The following PTP4A1 variants were observed in gnomAD, a reference collection of about 807,000 sequenced individuals.
The protein encoded by PTP4A1 is protein tyrosine phosphatase 4A1, also known as protein tyrosine phosphatase type IVA 1.
PTP4A1 carries 9 observed loss-of-function variants against 20.5 expected under a neutral mutation model. The ratio of observed to expected loss-of-function variants is 0.44; its 90% CI spans 0.26 to 0.77. PTP4A1 has a LOEUF of 0.77. Ranked by LOEUF, PTP4A1 falls within the 30% of genes least tolerant of loss-of-function variation. The probability of loss-of-function intolerance (pLI) is 0.19; values close to 1 mark genes in which losing one functional copy is unlikely to be tolerated. For synonymous variants in PTP4A1, 78 were observed against 67.4 expected (o/e 1.16, Z -0.77); for missense variants, 137 against 218.8 (o/e 0.63, Z 2.36).
In PTP4A1 at chr6:63,576,996, A is replaced by G; in HGVS notation, c.105+11A>G. The G allele has an allele frequency of 1.3e-6, 2 of 1,594,736 alleles. No individual in the cohort carries two copies. Among genetic ancestry groups the G allele is most frequent in the Non-Finnish European group, 1.7e-6 (2 of 1,163,004 alleles). On this transcript the variant is annotated intron_variant, in intron 2 of 5. Coordinates refer to ENST00000626021, the MANE Select transcript of PTP4A1 (RefSeq NM_003463.5). ...AACAAATTTATAGAGGTAAGATTTG[A>G]TATGTTTTAGTAGCTTAAATTGATT... is the stretch of plus-strand genomic sequence containing the variant.
upstream of PTP4A1, among the ~76,000 whole-genome samples, chr6:63,518,596 T>C (rs1774814847): frequency 6.6e-6 from 1 of 152,164 alleles, no homozygotes; most frequent in South Asian, 2.1e-4. Context: ...TAATGCTCAG[T>C]GATGTTAAAT....
At chr6:63,549,818 G>A (rs1010394438) in intron 2 of PTP4A1, among the ~76,000 whole-genome samples, 14 of 152,204 alleles carry the variant, frequency 9.2e-5, no homozygotes, top group African/African-American at 1.7e-4. Context: ...AAGGGTAGAG[G>A]GAAGAGGAAA....
In PTP4A1 at chr6:63,576,919, A is replaced by G. The variant is rs1259836952; in HGVS notation, c.39A>G (p.Thr13=). 1.9e-6 allele frequency: 3 copies of G among 1,613,914 alleles called. No homozygotes were observed. The highest frequency in any genetic ancestry group is 1.1e-5 in the South Asian group (1 of 91,084). Reference sequence around the variant, plus strand: ...ACCGCCCAGCTCCTGTGGAAGTCACATACAAGAACATGAGATTTCTTATTA... The same window carrying G: ...ACCGCCCAGCTCCTGTGGAAGTCACGTACAAGAACATGAGATTTCTTATTA... The part of the protein sequence containing the change: ...RMNRPAPVEV[T]YKNMRFLITH... The change falls in exon 2 of 6, where the codon ACA becomes ACG. Residue 13 remains threonine (T), a synonymous_variant. Transcript: ENST00000626021.
intron 1 of PTP4A1, among the ~76,000 whole-genome samples, chr6:63,575,046 G>A (rs1458890914): frequency 6.6e-6 from 1 of 152,144 alleles, no homozygotes; most frequent in Non-Finnish European, 1.5e-5. Flanking sequence ...AAAGTAGACT[G>A]GGTTTTTGAC....
At chr6:63,578,778 G>C in intron 3 of PTP4A1, 120 bp from the exon 4 acceptor site, 1 of 1,167,590 alleles carries the variant, frequency 8.6e-7, no homozygotes, top group Non-Finnish European at 1.1e-6. Context: ...GGTTTAATAA[G>C]ATTTGATTAA....
intron 1 of PTP4A1, among the ~76,000 whole-genome samples, chr6:63,576,158 T>C (rs950470353): frequency 2.6e-5 from 4 of 150,954 alleles, no homozygotes; most frequent in Middle Eastern, 6.9e-3. Context: ...TATATATGAA[T>C]TTCACAAAAA....
At chr6:63,561,889 G>A (rs1776969432) in intron 3 of PTP4A1, among the ~76,000 whole-genome samples, 1 of 152,158 alleles carries the variant, frequency 6.6e-6, no homozygotes, top group Non-Finnish European at 1.5e-5. Context: ...GGATAACCTG[G>A]TGCTTCTATC....
Position 63,578,426 on chromosome 6 carries a change from G to T in PTP4A1, c.106-11G>T, listed in dbSNP as rs758885805. The T allele has an allele frequency of 3.1e-6, 5 of 1,597,222 alleles. No homozygotes were observed. In the South Asian group the frequency reaches 5.6e-5, roughly 18 times the overall value. On this transcript the variant is annotated splice_polypyrimidine_tract_variant and intron_variant, in intron 2 of 5. Transcript: ENST00000626021. Reference sequence around the variant, plus strand: ...AAACATTAAGATTTTTTTAATGTACGTTTTATCCAGGAACTTAAGAAGTAT... The same window carrying T: ...AAACATTAAGATTTTTTTAATGTACTTTTTATCCAGGAACTTAAGAAGTAT...
At chr6:63,539,604 C>T (rs1775866887) in intron 2 of PTP4A1, among the ~76,000 whole-genome samples, 1 of 152,018 alleles carries the variant, frequency 6.6e-6, no homozygotes, top group Non-Finnish European at 1.5e-5. Flanking sequence ...GGTGAAACCC[C>T]GTCTCTACTA....
chr6:63,565,676 C>G (rs1351584697), intron 3 of PTP4A1, among the ~76,000 whole-genome samples: 1 of 152,092 alleles, frequency 6.6e-6, no homozygotes, highest in Non-Finnish European at 1.5e-5. Flanking sequence ...TGGACTTTGT[C>G]CTTAGGCCAG....
At chr6:63,518,368 C>T (rs936982480), upstream of PTP4A1, among the ~76,000 whole-genome samples, 10 of 151,994 alleles carry the variant, frequency 6.6e-5, no homozygotes, top group African/African-American at 2.4e-4. Context: ...TCTTGAGGTC[C>T]TGGCAGAAAA....
At chr6:63,534,687 C>T (rs1044995271) in intron 2 of PTP4A1, among the ~76,000 whole-genome samples, 2 of 151,632 alleles carry the variant, frequency 1.3e-5, no homozygotes, top group African/African-American at 4.9e-5. Flanking sequence ...GTGGCTCATG[C>T]CTGTAACCCC....
intron 2 of PTP4A1, among the ~76,000 whole-genome samples, chr6:63,550,032 C>T (rs1189150711): frequency 1.3e-5 from 2 of 152,086 alleles, no homozygotes; most frequent in Admixed American, 1.3e-4. Context: ...TAATTAATCA[C>T]TATATGTTAT....
In PTP4A1 at chr6:63,580,545, T is replaced by A. The variant is rs1778161605; in HGVS notation, c.*371T>A. 5.8e-6 allele frequency: 1 copy of A among 171,612 alleles called. No individual in the cohort carries two copies. The highest frequency in any genetic ancestry group is 1.5e-4 in the East Asian group (1 of 6,636). The allele number at this position is 171,612 out of a possible 1,614,324, so 10.6% of individuals were successfully genotyped here. ...GTGCCAAAATACCCAGCACAATACTTGTATATTTTTAGTACCATACAGAAG... is the reference window on the plus strand; with the variant it reads ...GTGCCAAAATACCCAGCACAATACTAGTATATTTTTAGTACCATACAGAAG... On this transcript the variant is annotated 3_prime_UTR_variant, in exon 6 of 6. Transcript: ENST00000626021.
At chr6:63,544,862 G>T (rs551193787) in intron 2 of PTP4A1, among the ~76,000 whole-genome samples, 4 of 152,230 alleles carry the variant, frequency 2.6e-5, no homozygotes. Context: ...CTTGGTCATG[G>T]TGATGGCTAC....
intron 1 of PTP4A1, chr6:63,573,159 C>T (rs1777590536): frequency 1.3e-5 from 2 of 155,596 alleles, no homozygotes; most frequent in Non-Finnish European, 2.8e-5. Context: ...GTCCCGGGGC[C>T]TCTTTGTTCG....
At chr6:63,529,852 T>C (rs889207614) in intron 2 of PTP4A1, among the ~76,000 whole-genome samples, 1 of 152,170 alleles carries the variant, frequency 6.6e-6, no homozygotes, top group African/African-American at 2.4e-5. Context: ...ATCAGAGAAC[T>C]AAAAATTATC....
intron 1 of PTP4A1, among the ~76,000 whole-genome samples, chr6:63,523,388 G>T (rs1562110485): frequency 6.6e-6 from 1 of 152,040 alleles, no homozygotes; most frequent in Non-Finnish European, 1.5e-5. Flanking sequence ...ACAAAAATTA[G>T]CCAGGCATGA....
At chr6:63,559,424 C>A (rs571188521) in intron 3 of PTP4A1, among the ~76,000 whole-genome samples, 1 of 151,962 alleles carries the variant, frequency 6.6e-6, no homozygotes, top group Non-Finnish European at 1.5e-5. Context: ...ATGGCTTAAA[C>A]GCAGCAAAAA....
Sources: gnomAD v4.1 joint callset for allele counts (sites outside exome capture counted in the v4.1 genomes callset) on GRCh38, gnomAD v4.1.1 for gene constraint, MANE v1.5 for transcripts, NCBI Gene and HGNC (gene_info 2026-07-23, HGNC 2026-07-21) for gene names.